The following DOK6 variants were observed in gnomAD, a reference collection of about 807,000 sequenced individuals.
DOK6 encodes the protein downstream of tyrosine kinase 6.
A neutral mutation model predicts 44.0 loss-of-function variants in DOK6; 22 were observed. That is an observed-to-expected ratio of 0.50 (90% CI 0.36 to 0.71). The LOEUF is 0.71. Among genes scored for constraint, DOK6 ranks in the 30% least tolerant of loss-of-function variants. DOK6 has a pLI of 0.00. For synonymous variants in DOK6, 166 were observed against 145.5 expected (o/e 1.14, Z -1.01); for missense variants, 340 against 416.4 (o/e 0.82, Z 1.60).
chr18:69,490,733 A>G (rs1980712787), intron 1 of DOK6, among the ~76,000 whole-genome samples: 1 of 152,178 alleles, frequency 6.6e-6, no homozygotes, highest in Non-Finnish European at 1.5e-5. Context: ...AACTGATTCT[A>G]TTTAGTTTTG....
intron 4 of DOK6, among the ~76,000 whole-genome samples, chr18:69,691,137 C>T (rs532351954): frequency 2.6e-5 from 4 of 151,462 alleles, no homozygotes; most frequent in African/African-American, 4.8e-5. Flanking sequence ...GAGCCAAGAT[C>T]GTACCATTGC....
intron 2 of DOK6, among the ~76,000 whole-genome samples, chr18:69,598,385 G>A (rs1983796571): frequency 6.6e-6 from 1 of 151,908 alleles, no homozygotes; most frequent in African/African-American, 2.4e-5. Flanking sequence ...ATTTGGAGAA[G>A]AGAAATTAAA....
In DOK6 at chr18:69,846,645, A is replaced by G. The variant is rs1453164999; in HGVS notation, c.*5262A>G. 1 of 152,196 alleles carries G rather than the reference A, an allele frequency of 6.6e-6. No homozygotes were observed. The highest frequency in any genetic ancestry group is 1.5e-5 in the Non-Finnish European group (1 of 68,030). The allele number at this position is 152,196 out of a possible 1,614,324, so 9.4% of individuals were successfully genotyped here. A position where few individuals can be genotyped will look rare whatever the true frequency, so the allele number is the denominator to read the frequency against. Reference sequence around the variant, plus strand: ...TTATCCTAAAGTGGTAGTCAAAGTAAAACACATTAAGTAGGTGTTTGTGTT... The same window carrying G: ...TTATCCTAAAGTGGTAGTCAAAGTAGAACACATTAAGTAGGTGTTTGTGTT... On this transcript the variant is annotated 3_prime_UTR_variant, in exon 8 of 8. Coordinates refer to ENST00000382713, the MANE Select transcript of DOK6 (RefSeq NM_152721.6).
Position 69,844,089 on chromosome 18 carries a change from G to A in DOK6, c.*2706G>A, listed in dbSNP as rs989710993. 2.0e-5 allele frequency: 3 copies of A among 152,180 alleles called. No homozygotes were observed. Among genetic ancestry groups the A allele is most frequent in the Non-Finnish European group, 4.4e-5 (3 of 68,034 alleles). 9.4% of individuals were successfully genotyped at this position (152,180 alleles called of 1,614,324 possible). A position where few individuals can be genotyped will look rare whatever the true frequency, so the allele number is the denominator to read the frequency against. ...CAATTTCACTGGAGCAACCAGAAGG[G>A]TCATGGAGATGTATACCACTCGCTT... On this transcript the variant is annotated 3_prime_UTR_variant, in exon 8 of 8. Coordinates refer to ENST00000382713, the MANE Select transcript of DOK6 (RefSeq NM_152721.6).
chr18:69,630,460 T>G (rs909667784), intron 3 of DOK6, among the ~76,000 whole-genome samples: 2 of 152,168 alleles, frequency 1.3e-5, no homozygotes, highest in African/African-American at 4.8e-5. Flanking sequence ...TTTGCATGAG[T>G]GAGGAAAGCT....
intron 1 of DOK6, among the ~76,000 whole-genome samples, chr18:69,475,800 C>T (rs183464778): frequency 9.5e-4 from 144 of 152,284 alleles, no homozygotes; most frequent in Middle Eastern, 3.4e-3. Flanking sequence ...TTCTATTAGA[C>T]ACAAGTTAAC....
Position 69,578,495 on chromosome 18 carries a change from G to A in DOK6, c.174+13901G>A, listed in dbSNP as rs548561293. Among the ~76,000 whole-genome samples, 10 of 152,242 alleles carry A rather than the reference G, an allele frequency of 6.6e-5. No homozygotes were observed. In the East Asian group the frequency reaches 1.5e-3, roughly 24 times the overall value. ...AATTTCAAACAAGTCATTCTACATG[G>A]GAAATCAGATAGTGTGAAAGAATGT... On this transcript the variant is annotated intron_variant, in intron 2 of 7. Transcript: ENST00000382713.
chr18:69,766,221 G>A (rs563437576), intron 7 of DOK6, among the ~76,000 whole-genome samples: 1 of 152,296 alleles, frequency 6.6e-6, no homozygotes, highest in Middle Eastern at 3.4e-3. Flanking sequence ...GGTTACACAT[G>A]GACATAAGTA....
intron 5 of DOK6, among the ~76,000 whole-genome samples, chr18:69,710,610 A>G (rs1475025957): frequency 6.6e-6 from 1 of 152,236 alleles, no homozygotes. Flanking sequence ...AGGAGATATT[A>G]GATTACAAAA....
At chr18:69,830,777 G>A (rs1981879784) in intron 7 of DOK6, among the ~76,000 whole-genome samples, 1 of 152,170 alleles carries the variant, frequency 6.6e-6, no homozygotes, top group African/African-American at 2.4e-5. Flanking sequence ...AAGCTGTACT[G>A]TATCCTAAAG....
chr18:69,405,035 A>C (rs576139330), intron 1 of DOK6, among the ~76,000 whole-genome samples: 1 of 152,300 alleles, frequency 6.6e-6, no homozygotes, highest in African/African-American at 2.4e-5. Flanking sequence ...ATGTGGAGGG[A>C]CAGATTGCGA....
At chr18:69,685,893 G>A (rs116462929) in intron 4 of DOK6, among the ~76,000 whole-genome samples, 100 of 152,236 alleles carry the variant, frequency 6.6e-4, no homozygotes, top group African/African-American at 2.3e-3. Context: ...GGCATCACTA[G>A]ACACGTGCCT....
chr18:69,662,414 A>G (rs1302681173), intron 3 of DOK6: 6 of 152,292 alleles, frequency 3.9e-5, no homozygotes, highest in African/African-American at 1.2e-4. Flanking sequence ...GATGTAATTT[A>G]TTACTCTCTT....
chr18:69,734,088 T>TC (rs1978513770), intron 5 of DOK6, among the ~76,000 whole-genome samples: 1 of 152,038 alleles, frequency 6.6e-6, no homozygotes, highest in African/African-American at 2.4e-5. Flanking sequence ...GTAGTGCTTT[T>TC]TTTTCCCCAT....
At chr18:69,838,533 T>G (rs893038960) in intron 7 of DOK6, among the ~76,000 whole-genome samples, 10 of 152,110 alleles carry the variant, frequency 6.6e-5, no homozygotes, top group African/African-American at 2.2e-4. Context: ...CATGACATGG[T>G]GGCAGCACTT....
intron 1 of DOK6, among the ~76,000 whole-genome samples, chr18:69,535,270 C>A (rs1425178208): frequency 6.6e-6 from 1 of 151,910 alleles, no homozygotes; most frequent in Non-Finnish European, 1.5e-5. Flanking sequence ...TATTTCCAAG[C>A]TTTATATTAT....
At chr18:69,580,883 T>C (rs1490057944) in intron 2 of DOK6, among the ~76,000 whole-genome samples, 2 of 151,992 alleles carry the variant, frequency 1.3e-5, no homozygotes, top group African/African-American at 4.8e-5. Context: ...CTCTTCGTTA[T>C]GAGCTCAACT....
chr18:69,761,221 T>G (rs1039411839), intron 7 of DOK6, among the ~76,000 whole-genome samples: 11 of 140,468 alleles, frequency 7.8e-5, no homozygotes, highest in African/African-American at 2.3e-4. Context: ...TGCCTTTCCC[T>G]GGGGCCGGCT....
chr18:69,550,785 T>C (rs1355559648), intron 1 of DOK6, among the ~76,000 whole-genome samples: 3 of 147,006 alleles, frequency 2.0e-5, no homozygotes, highest in East Asian at 2.0e-4. Context: ...TTCTTTTTTT[T>C]TTTTTTTTTT....
Sources: allele counts gnomAD v4.1 joint callset (sites outside exome capture counted in the v4.1 genomes callset), GRCh38; gene constraint gnomAD v4.1.1; transcripts MANE v1.5; gene names NCBI Gene and HGNC (gene_info 2026-07-23, HGNC 2026-07-21).